Variants in AASS observed in about 807,000 individuals in gnomAD.
The protein encoded by AASS is aminoadipate-semialdehyde synthase.
In AASS, 86 loss-of-function variants were observed where a neutral mutation model predicts 105.4. That is an observed-to-expected ratio of 0.82 (90% CI 0.69 to 0.98). The LOEUF (loss-of-function observed/expected upper bound fraction) is 0.98, where lower values mean the gene tolerates loss of function less well. Among genes scored for constraint, AASS ranks in the 50% least tolerant of loss-of-function variants. AASS has a pLI of 0.00. For synonymous variants in AASS, 381 were observed against 394.8 expected (o/e 0.96, Z 0.41); for missense variants, 1,048 against 1,143.2 (o/e 0.92, Z 1.20).
intron 19 of AASS, among the ~76,000 whole-genome samples, chr7:122,082,372 G>A (rs745353987): frequency 4.6e-5 from 7 of 152,078 alleles, no homozygotes; most frequent in Non-Finnish European, 1.0e-4. Context: ...CTGGAATGTT[G>A]TGGCCACACT....
At chr7:122,142,394 G>A (rs2150561526) in intron 1 of AASS, among the ~76,000 whole-genome samples, 2 of 152,214 alleles carry the variant, frequency 1.3e-5, no homozygotes, top group Non-Finnish European at 2.9e-5. Context: ...ACTGTAGTAA[G>A]ACCTTCACGA....
chr7:122,082,697 C>G (rs982904057), intron 19 of AASS: 7 of 646,786 alleles, frequency 1.1e-5, no homozygotes, highest in Non-Finnish European at 1.6e-5. Flanking sequence ...TGCGTCACCA[C>G]TGACGACTAA....
chr7:122,089,122 T>C (rs981381802), intron 18 of AASS, among the ~76,000 whole-genome samples: 1 of 151,950 alleles, frequency 6.6e-6, no homozygotes, highest in Non-Finnish European at 1.5e-5. Flanking sequence ...TAAGACCCGC[T>C]CCACAGTGGA....
chr7:122,127,318 T>C (rs1004140551), intron 3 of AASS, among the ~76,000 whole-genome samples: 3 of 152,186 alleles, frequency 2.0e-5, no homozygotes, highest in African/African-American at 2.4e-5. Context: ...ATTGTAATTA[T>C]ACACTATTTT....
At chr7:122,082,955 T>A in intron 19 of AASS, 1 of 1,017,422 alleles carries the variant, frequency 9.8e-7, no homozygotes, top group Non-Finnish European at 1.3e-6. Flanking sequence ...AGAAAGACCA[T>A]AATGGTTTAT....
intron 1 of AASS, among the ~76,000 whole-genome samples, chr7:122,140,460 T>C (rs1159034208): frequency 9.5e-6 from 1 of 104,976 alleles, no homozygotes. Flanking sequence ...CACTCCAGCC[T>C]GGGCGACAGA....
chr7:122,078,891 G>C lies in AASS; in HGVS notation c.2456C>G (p.Ser819Cys). 4.3e-6 allele frequency: 7 copies of C among 1,614,046 alleles called. No homozygotes were observed. The highest frequency in any genetic ancestry group is 5.1e-6 in the Non-Finnish European group (6 of 1,179,998). The change falls in exon 22 of 24, where the codon TCC becomes TGC. Residue 819 changes from serine to cysteine, a missense_variant. Coordinates refer to ENST00000417368, the MANE Select transcript of AASS (RefSeq NM_005763.4). ...GGAAAGCTTCATGACCAAATGCTTGGAGAGGGCATCCAGAATGGACTCTGC... is the reference window on the plus strand; with the variant it reads ...GGAAAGCTTCATGACCAAATGCTTGCAGAGGGCATCCAGAATGGACTCTGC... ...PQAESILDAL[S>C]KHLVMKLSYG...
chr7:122,083,186 T>C (rs1158562633), intron 19 of AASS, among the ~76,000 whole-genome samples: 1 of 152,154 alleles, frequency 6.6e-6, no homozygotes, highest in African/African-American at 2.4e-5. Flanking sequence ...CTAAAGGTTA[T>C]ATTGTTCAAA....
At chr7:122,081,806 G>A (rs1218919295) in intron 19 of AASS, 4 of 557,014 alleles carry the variant, frequency 7.2e-6, no homozygotes, top group African/African-American at 5.7e-5. Flanking sequence ...AAAAAGTATT[G>A]AGGATATAGA....
intron 4 of AASS, among the ~76,000 whole-genome samples, chr7:122,120,389 T>C (rs1407432187): frequency 6.6e-6 from 1 of 152,138 alleles, no homozygotes; most frequent in African/African-American, 2.4e-5. Flanking sequence ...CCTTTTAATA[T>C]TTAAAAGATA....
chr7:122,138,834 GA>G (rs920968516), intron 1 of AASS, among the ~76,000 whole-genome samples: 26 of 151,690 alleles, frequency 1.7e-4, no homozygotes, highest in African/African-American at 6.3e-4. Context: ...GAGAGAGAGA[GA>G]AAAAAAAGGA....
Position 122,118,650 on chromosome 7 carries a change from A to G in AASS, c.473-20T>C, listed in dbSNP as rs752219813. 2 of 1,611,108 alleles carry G rather than the reference A, an allele frequency of 1.2e-6. No homozygotes were observed. Among genetic ancestry groups the G allele is most frequent in the Admixed American group, 3.3e-5 (2 of 59,928 alleles). On this transcript the variant is annotated intron_variant, in intron 4 of 23. Coordinates refer to ENST00000417368, the MANE Select transcript of AASS (RefSeq NM_005763.4). ...TCATTCCTGTTACAGAATCAGACCA[A>G]TAGAAAGACTATTAGTTGGGAAGAA...
intron 13 of AASS, among the ~76,000 whole-genome samples, chr7:122,100,038 C>A (rs1041770223): frequency 6.6e-6 from 1 of 151,866 alleles, no homozygotes; most frequent in Non-Finnish European, 1.5e-5. Flanking sequence ...CCCCCAAACC[C>A]CAGACTCCAG....
intron 1 of AASS, among the ~76,000 whole-genome samples, chr7:122,135,879 T>TTTATATACAGGTTCAC (rs1252666085): frequency 6.6e-6 from 1 of 152,186 alleles, no homozygotes; most frequent in Non-Finnish European, 1.5e-5. Flanking sequence ...TACAGGTTCA[T>TTTATATACAGGTTCAC]TTATTCCTAT....
chr7:122,079,266 A>C, intron 21 of AASS: 4 of 1,352,434 alleles, frequency 3.0e-6, no homozygotes, highest in Non-Finnish European at 3.8e-6. Context: ...TACCAGCAGG[A>C]TGCCACAGCG....
At chr7:122,142,348 C>T (rs1052364174) in intron 1 of AASS, among the ~76,000 whole-genome samples, 1 of 151,848 alleles carries the variant, frequency 6.6e-6, no homozygotes, top group African/African-American at 2.4e-5. Flanking sequence ...ACAACCACGC[C>T]GCTAACAGTA....
At chr7:122,091,299 C>T (rs967766479) in intron 18 of AASS, among the ~76,000 whole-genome samples, 2 of 152,118 alleles carry the variant, frequency 1.3e-5, no homozygotes, top group Non-Finnish European at 2.9e-5. Context: ...GAGCCCCATC[C>T]CCAGTCCAGC....
chr7:122,079,261 G>T, intron 21 of AASS: 1 of 1,354,596 alleles, frequency 7.4e-7, no homozygotes, highest in Non-Finnish European at 9.5e-7. Flanking sequence ...AGGTATACCA[G>T]CAGGATGCCA....
rs190943415 is a variant in AASS at position 122,090,409 on chromosome 7, C to T, written c.2016+1294G>A. ...GGATGAGGCGCTGGTACTTTTTAAA[C>T]TCCCCTTGTAATTCCAAGCCAAGTA... On this transcript the variant is annotated intron_variant, in intron 18 of 23. Coordinates refer to ENST00000417368, the MANE Select transcript of AASS (RefSeq NM_005763.4). 1.1e-4 allele frequency among the ~76,000 whole-genome samples: 16 copies of T among 152,244 alleles called. 1 individual carries two copies. The East Asian group carries it at 2.9e-3, about 28-fold the overall frequency.
Sources: allele counts gnomAD v4.1 joint callset (sites outside exome capture counted in the v4.1 genomes callset), GRCh38; gene constraint gnomAD v4.1.1; transcripts MANE v1.5; gene names NCBI Gene and HGNC (gene_info 2026-07-23, HGNC 2026-07-21).